The following MYH16 variants were observed in gnomAD, a reference collection of about 807,000 sequenced individuals.
MYH16 encodes myosin heavy chain 16, also known as putative uncharacterized protein MYH16.
chr7:99,310,412 C>T (rs1792744110), downstream of MYH16, among the ~76,000 whole-genome samples: 1 of 152,178 alleles, frequency 6.6e-6, no homozygotes, highest in African/African-American at 2.4e-5. Context: ...GGTCACATCA[C>T]AATAGCAAAA....
chr7:99,272,570 C>T (rs1360884863), intron 19 of MYH16, among the ~76,000 whole-genome samples: 1 of 151,796 alleles, frequency 6.6e-6, no homozygotes, highest in Non-Finnish European at 1.5e-5. Flanking sequence ...AGGGAGACCC[C>T]ATCTCTACAA....
At chr7:99,284,411 C>G (rs977757458) in intron 25 of MYH16, among the ~76,000 whole-genome samples, 6 of 152,106 alleles carry the variant, frequency 3.9e-5, no homozygotes, top group African/African-American at 1.4e-4. Context: ...GGCAACATAG[C>G]AAGACCCCGT....
At chr7:99,277,199 G>A (rs1792126395) in intron 20 of MYH16, among the ~76,000 whole-genome samples, 1 of 152,104 alleles carries the variant, frequency 6.6e-6, no homozygotes, top group Non-Finnish European at 1.5e-5. Flanking sequence ...CATTTCACTG[G>A]GGCTCCTGGT....
intron 33 of MYH16, among the ~76,000 whole-genome samples, chr7:99,295,746 T>C (rs558245108): frequency 6.6e-6 from 1 of 150,662 alleles, no homozygotes; most frequent in Non-Finnish European, 1.5e-5. Flanking sequence ...GGTGGGAAGA[T>C]TGCTTAAGTC....
chr7:99,297,939 T>A, exon 36 of MYH16: 1 of 456,696 alleles, frequency 2.2e-6, no homozygotes, highest in South Asian at 1.5e-5. Flanking sequence ...TGGCTCAGGT[T>A]AAAGCTGACA....
chr7:99,309,646 G>A (rs1792731908), downstream of MYH16, among the ~76,000 whole-genome samples: 1 of 152,236 alleles, frequency 6.6e-6, no homozygotes, highest in African/African-American at 2.4e-5. Flanking sequence ...GACTCAGAAG[G>A]CAGTTCAGCT....
chr7:99,278,302 C>G (rs1374962120), intron 21 of MYH16, among the ~76,000 whole-genome samples: 1 of 152,144 alleles, frequency 6.6e-6, no homozygotes, highest in Non-Finnish European at 1.5e-5. Flanking sequence ...ACAGGACCCA[C>G]CTGCAGGGAA....
intron 2 of MYH16, among the ~76,000 whole-genome samples, chr7:99,246,250 GA>G (rs1387732675): frequency 1.3e-5 from 2 of 149,052 alleles, no homozygotes; most frequent in Admixed American, 1.3e-4. Flanking sequence ...GAGAAAGAAA[GA>G]AAAAAACAGG....
Position 99,277,731 on chromosome 7 carries a change from G to T in MYH16, n.2659+19G>T, listed in dbSNP as rs757547688. Reference sequence around the variant, plus strand: ...GCAGGCTGTACGTGGGGTCCCCAGGGAGAAGGGTGGGAAACCCATACAGCC... The same window carrying T: ...GCAGGCTGTACGTGGGGTCCCCAGGTAGAAGGGTGGGAAACCCATACAGCC... On this transcript the variant is annotated intron_variant and non_coding_transcript_variant, in intron 21 of 41. Transcript: ENST00000439784. The T allele has an allele frequency of 8.9e-6, 4 of 451,562 alleles. No homozygotes were observed. The highest frequency in any genetic ancestry group is 7.0e-5 in the East Asian group (1 of 14,338). The allele number at this position is 451,562 out of a possible 1,614,324, so 28.0% of individuals were successfully genotyped here.
intron 23 of MYH16, among the ~76,000 whole-genome samples, chr7:99,281,546 C>T (rs568798418): frequency 1.3e-5 from 2 of 152,228 alleles, no homozygotes; most frequent in South Asian, 2.1e-4. Flanking sequence ...TGGGTGACAG[C>T]GAGACCCTGT....
At chr7:99,257,051 T>TATC (rs773156705) in intron 9 of MYH16, among the ~76,000 whole-genome samples, 42 of 152,242 alleles carry the variant, frequency 2.8e-4, no homozygotes, top group Non-Finnish European at 5.3e-4. Context: ...GATCTATCCT[T>TATC]ATCATCATCA....
chr7:99,272,746 CAA>C (rs111962523), intron 19 of MYH16, among the ~76,000 whole-genome samples, 91 bp from the exon 1 acceptor site: 2 of 139,628 alleles, frequency 1.4e-5, no homozygotes, highest in Admixed American at 7.2e-5. Context: ...GACCCTGTCT[CAA>C]AAAAAAAAAA....
At chr7:99,259,129 T>C (rs1442389314) in intron 11 of MYH16, among the ~76,000 whole-genome samples, 1 of 152,126 alleles carries the variant, frequency 6.6e-6, no homozygotes, top group African/African-American at 2.4e-5. Context: ...GGGATTACAA[T>C]TGGAGATGAG....
chr7:99,243,117 C>A (rs1421965788), intron 1 of MYH16, among the ~76,000 whole-genome samples: 1 of 152,188 alleles, frequency 6.6e-6, no homozygotes, highest in Non-Finnish European at 1.5e-5. Context: ...AGAAGTGCCT[C>A]CCCATCCCAG....
intron 32 of MYH16, 66 bp from the exon 14 acceptor site, chr7:99,293,952 C>A: frequency 5.1e-6 from 2 of 391,270 alleles, no homozygotes; most frequent in East Asian, 7.3e-5. Flanking sequence ...CTGACCCTGG[C>A]AGTGTGGAGA....
At chr7:99,276,829 AAAAC>A (rs1233694576) in intron 20 of MYH16, among the ~76,000 whole-genome samples, 2 of 152,050 alleles carry the variant, frequency 1.3e-5, no homozygotes, top group Non-Finnish European at 2.9e-5. Context: ...CACATAGAGA[AAAAC>A]AAAGAGAAAG....
downstream of MYH16, among the ~76,000 whole-genome samples, chr7:99,310,034 TAAAAAA>T (rs952067145): frequency 6.7e-6 from 1 of 149,110 alleles, no homozygotes; most frequent in Non-Finnish European, 1.5e-5. Flanking sequence ...AATAAAAAAA[TAAAAAA>T]AAACTGAAAA....
chr7:99,289,988 T>C (rs1457886191), intron 30 of MYH16, among the ~76,000 whole-genome samples: 3 of 152,138 alleles, frequency 2.0e-5, no homozygotes, highest in African/African-American at 7.2e-5. Context: ...ACAAAAATAA[T>C]TGGCAATTTA....
intron 28 of MYH16, among the ~76,000 whole-genome samples, chr7:99,287,452 T>C (rs1792294692): frequency 6.9e-6 from 1 of 145,902 alleles, no homozygotes; most frequent in Admixed American, 7.2e-5. Flanking sequence ...GAGAATCACC[T>C]GAACCCAGGA....
Sources: allele counts gnomAD v4.1 joint callset (sites outside exome capture counted in the v4.1 genomes callset), GRCh38; gene constraint gnomAD v4.1.1; transcripts MANE v1.5; gene names NCBI Gene and HGNC (gene_info 2026-07-23, HGNC 2026-07-21).